The following DAB1 variants were observed in gnomAD, a reference collection of about 807,000 sequenced individuals.
The protein encoded by DAB1 is disabled homolog 1.
In DAB1, 15 loss-of-function variants were observed where a neutral mutation model predicts 64.6. The ratio of observed to expected loss-of-function variants is 0.23; its 90% CI spans 0.16 to 0.36. The LOEUF is 0.36. Ranked by LOEUF, DAB1 falls within the 10% of genes least tolerant of loss-of-function variation. The probability of loss-of-function intolerance (pLI) is 1.00; values close to 1 mark genes in which losing one functional copy is unlikely to be tolerated. For missense variants in DAB1, 596 were observed against 706.7 expected (o/e 0.84, Z 1.78); for synonymous variants, 235 against 251.9 (o/e 0.93, Z 0.64).
At chr1:57,638,899 G>C (rs1646092672) in intron 7 of DAB1, among the ~76,000 whole-genome samples, 1 of 151,666 alleles carries the variant, frequency 6.6e-6, no homozygotes, top group Admixed American at 6.6e-5. Flanking sequence ...TGGAAAGAGA[G>C]GGTTCTACAG....
At chr1:58,363,711 G>C (rs893766047) in intron 3 of DAB1, among the ~76,000 whole-genome samples, 2 of 152,200 alleles carry the variant, frequency 1.3e-5, no homozygotes, top group Admixed American at 6.5e-5. Flanking sequence ...ATCTTCCAGG[G>C]GAAAGGCTGC....
At chr1:57,277,524 G>A (rs370341951) in intron 2 of DAB1, among the ~76,000 whole-genome samples, 1 of 152,288 alleles carries the variant, frequency 6.6e-6, no homozygotes, top group Admixed American at 6.5e-5. Flanking sequence ...ACCTTAGCAA[G>A]TTGCACGATT....
Position 58,214,858 on chromosome 1 carries a change from A to T in DAB1, n.310-64270T>A, listed in dbSNP as rs544031221. Among the ~76,000 whole-genome samples the T allele has an allele frequency of 2.6e-5, 4 of 152,314 alleles. 1 individual carries two copies. The highest frequency in any genetic ancestry group is 9.6e-5 in the African/African-American group (4 of 41,580). The stretch of plus-strand genomic sequence containing the variant: ...TCTTGGGGCAGGCCACTGTGGCCTC[A>T]TGGTGCTCTTTGGCCTCTACCTAGA... On this transcript the variant is annotated intron_variant and non_coding_transcript_variant, in intron 4 of 20. Transcript: ENST00000485760.
At chr1:57,279,726 T>C (rs1671740347) in intron 2 of DAB1, among the ~76,000 whole-genome samples, 1 of 152,238 alleles carries the variant, frequency 6.6e-6, no homozygotes, top group Admixed American at 6.5e-5. Flanking sequence ...AATTTATACA[T>C]AGTCAAAATC....
At chr1:57,392,446 C>A (rs771684747) in intron 1 of DAB1, among the ~76,000 whole-genome samples, 29 of 152,140 alleles carry the variant, frequency 1.9e-4, no homozygotes, top group Non-Finnish European at 3.2e-4. Context: ...TTTCTTCCTG[C>A]ATTCAAAACA....
intron 4 of DAB1, among the ~76,000 whole-genome samples, chr1:57,123,575 C>T (rs943804169): frequency 6.6e-5 from 10 of 152,134 alleles, no homozygotes; most frequent in African/African-American, 2.4e-4. Flanking sequence ...TAAAAATATC[C>T]ACACATGTTG....
chr1:57,466,102 C>G (rs1686946305), intron 7 of DAB1, among the ~76,000 whole-genome samples: 1 of 152,190 alleles, frequency 6.6e-6, no homozygotes, highest in Non-Finnish European at 1.5e-5. Flanking sequence ...ATACTGATTG[C>G]ATTACCAACT....
intron 5 of DAB1, among the ~76,000 whole-genome samples, chr1:58,003,274 G>A (rs141953766): frequency 5.3e-5 from 8 of 152,152 alleles, no homozygotes; most frequent in South Asian, 2.1e-4. Flanking sequence ...GCTCCTCTCC[G>A]CTTCAATGAC....
At chr1:57,778,760 T>C (rs938561226) in intron 6 of DAB1, among the ~76,000 whole-genome samples, 2 of 152,134 alleles carry the variant, frequency 1.3e-5, no homozygotes, top group Non-Finnish European at 2.9e-5. Context: ...TCCTGTCACG[T>C]AGGAGAGTTG....
At chr1:57,479,978 C>T (rs999327994) in intron 7 of DAB1, among the ~76,000 whole-genome samples, 3 of 151,646 alleles carry the variant, frequency 2.0e-5, no homozygotes, top group Middle Eastern at 3.2e-3. Context: ...ACGGTGAAAC[C>T]CCGTCTCTAC....
chr1:57,407,689 T>C (rs546133131), intron 1 of DAB1, among the ~76,000 whole-genome samples: 7 of 152,232 alleles, frequency 4.6e-5, no homozygotes, highest in Non-Finnish European at 8.8e-5. Flanking sequence ...GATTTGACCA[T>C]CTGTAAAATG....
intron 5 of DAB1, among the ~76,000 whole-genome samples, chr1:57,972,305 T>C (rs954416619): frequency 1.3e-5 from 2 of 152,188 alleles, no homozygotes; most frequent in South Asian, 2.1e-4. Context: ...TGTACAATCA[T>C]AGCTCACTGC....
chr1:57,908,159 CA>C (rs1025112962), intron 5 of DAB1, among the ~76,000 whole-genome samples: 1 of 152,032 alleles, frequency 6.6e-6, no homozygotes, highest in African/African-American at 2.4e-5. Flanking sequence ...GAATTGCTCC[CA>C]AAAAACAGAT....
chr1:57,188,554 T>A (rs1663823611), intron 2 of DAB1, among the ~76,000 whole-genome samples: 1 of 152,184 alleles, frequency 6.6e-6, no homozygotes, highest in South Asian at 2.1e-4. Flanking sequence ...TTCTCACATC[T>A]CATTTATCTG....
chr1:58,479,057 T>C (rs957930414), intron 3 of DAB1, among the ~76,000 whole-genome samples: 2 of 152,224 alleles, frequency 1.3e-5, no homozygotes, highest in Non-Finnish European at 2.9e-5. Flanking sequence ...ACTATAAAGA[T>C]ATTATCTCTG....
At chr1:58,459,235 G>A (rs1405922549) in intron 3 of DAB1, among the ~76,000 whole-genome samples, 3 of 152,212 alleles carry the variant, frequency 2.0e-5, no homozygotes, top group African/African-American at 7.2e-5. Flanking sequence ...CCAAAACCTA[G>A]GATCTTAAAA....
intron 7 of DAB1, among the ~76,000 whole-genome samples, chr1:57,568,019 C>G (rs1319444951): frequency 6.6e-6 from 1 of 152,196 alleles, no homozygotes; most frequent in East Asian, 1.9e-4. Flanking sequence ...TACCTGACCT[C>G]AACCTATACT....
chr1:58,340,654 G>C (rs1643919801), intron 4 of DAB1, among the ~76,000 whole-genome samples: 1 of 152,168 alleles, frequency 6.6e-6, no homozygotes, highest in African/African-American at 2.4e-5. Flanking sequence ...ATAAGTGGCT[G>C]ACGTGCTGTG....
intron 1 of DAB1, among the ~76,000 whole-genome samples, chr1:57,423,447 A>G (rs1685086530): frequency 1.3e-5 from 2 of 151,828 alleles, no homozygotes; most frequent in South Asian, 4.2e-4. Context: ...ACGGAGGAGT[A>G]GGGAAGTGAG....
Sources: gnomAD v4.1 joint callset for allele counts (sites outside exome capture counted in the v4.1 genomes callset) on GRCh38, gnomAD v4.1.1 for gene constraint, MANE v1.5 for transcripts, NCBI Gene and HGNC (gene_info 2026-07-23, HGNC 2026-07-21) for gene names.